PTPRN2: variants seen among roughly 807,000 people sequenced by gnomAD.
PTPRN2 encodes protein tyrosine phosphatase receptor type N2.
In PTPRN2, 74 loss-of-function variants were observed where a neutral mutation model predicts 118.8. The observed-to-expected ratio is 0.62, with a 90% confidence interval of 0.52 to 0.76. The LOEUF (loss-of-function observed/expected upper bound fraction) is 0.76, where lower values mean the gene tolerates loss of function less well. PTPRN2 is among the 30% of genes least tolerant of loss of function. The pLI, the probability that PTPRN2 is intolerant of heterozygous loss-of-function variation, is 0.00. For missense variants in PTPRN2, 1,481 were observed against 1,394.4 expected, an observed-to-expected ratio of 1.06 and a Z score of -0.99; for synonymous variants, 641 against 608.0, an observed-to-expected ratio of 1.05 and a Z score of -0.80.
At chr7:157,649,518 G>A (rs1310400616) in intron 14 of PTPRN2, among the ~76,000 whole-genome samples, 13 of 126,340 alleles carry the variant, frequency 1.0e-4, no homozygotes, top group African/African-American at 2.6e-4. Flanking sequence ...TCGGTGGGTC[G>A]GACCCATTCA....
chr7:157,598,281 T>C lies in PTPRN2; in HGVS notation c.2419-2966A>G, dbSNP rs907184340. On this transcript the variant is annotated intron_variant, in intron 16 of 22. Coordinates refer to ENST00000389418, the MANE Select transcript of PTPRN2 (RefSeq NM_002847.5). The surrounding 1 kb of genome is among the most constrained non-coding windows in gnomAD (Gnocchi z 5.2). Reference sequence around the variant, plus strand: ...TTCGCCTCCTACTCATGACTTTCCATTTCATTGCAACATACTTTTTATTTG... The same window carrying C: ...TTCGCCTCCTACTCATGACTTTCCACTTCATTGCAACATACTTTTTATTTG... 1.3e-5 allele frequency among the ~76,000 whole-genome samples: 2 copies of C among 152,214 alleles called. No individual in the cohort carries two copies. Among genetic ancestry groups the C allele is most frequent in the East Asian group, 3.8e-4 (2 of 5,198 alleles).
At position 157,801,287 on chromosome 7, in the gene PTPRN2, C is replaced by T. The variant is rs1232117201; in HGVS notation, c.1788+97386G>A. The stretch of plus-strand genomic sequence containing the variant: ...TTAGCGCTGCCTTCGAGATCAGTCT[C>T]TCGACCCCTGTTAGGAGCAACGGCG... On this transcript the variant is annotated intron_variant, in intron 12 of 22. Coordinates refer to ENST00000389418, the MANE Select transcript of PTPRN2 (RefSeq NM_002847.5). This position sits in a 1 kb window ranked among gnomAD's most constrained non-coding sequence, Gnocchi z 4.2. Among the ~76,000 whole-genome samples the T allele has an allele frequency of 6.6e-6, 1 of 152,152 alleles. No individual in the cohort carries two copies. The highest frequency in any genetic ancestry group is 2.1e-4 in the South Asian group (1 of 4,822).
At chr7:157,895,945 C>T (rs1196487392) in intron 12 of PTPRN2, among the ~76,000 whole-genome samples, 3 of 152,146 alleles carry the variant, frequency 2.0e-5, no homozygotes, top group South Asian at 2.1e-4. Flanking sequence ...AGGAGGCCCG[C>T]GTGAAAGAGA....
At chr7:158,410,230 G>A (rs1171561830) in intron 2 of PTPRN2, among the ~76,000 whole-genome samples, 1 of 152,064 alleles carries the variant, frequency 6.6e-6, no homozygotes, top group Non-Finnish European at 1.5e-5. Context: ...CACAAGGCCC[G>A]CTCCCTCTCT....
chr7:157,685,096 G>T (rs887190204), intron 12 of PTPRN2, among the ~76,000 whole-genome samples: 1 of 151,896 alleles, frequency 6.6e-6, no homozygotes, highest in Non-Finnish European at 1.5e-5. Flanking sequence ...CTCGCCTCTC[G>T]CCTCCCGCGG....
At chr7:158,189,560 A>G (rs1338709533) in intron 5 of PTPRN2, among the ~76,000 whole-genome samples, 3 of 152,184 alleles carry the variant, frequency 2.0e-5, no homozygotes, top group Non-Finnish European at 4.4e-5. Context: ...CGCCACTGTC[A>G]AGTCAGGGGG....
At chr7:158,401,022 C>T (rs985735755) in intron 2 of PTPRN2, among the ~76,000 whole-genome samples, 2 of 152,152 alleles carry the variant, frequency 1.3e-5, no homozygotes, top group African/African-American at 4.8e-5. Context: ...GTGGCCAAGG[C>T]CGCTCATCAC....
chr7:158,333,369 C>A (rs1369808625), intron 2 of PTPRN2, among the ~76,000 whole-genome samples: 11 of 144,378 alleles, frequency 7.6e-5, no homozygotes, highest in Admixed American at 2.0e-4. Flanking sequence ...CACTCACACC[C>A]ACACTCGCAC....
intron 11 of PTPRN2, among the ~76,000 whole-genome samples, chr7:158,071,575 A>T (rs1325765031): frequency 1.2e-4 from 1 of 8,204 alleles, no homozygotes; most frequent in African/African-American, 3.9e-4. Flanking sequence ...CTCCTGGTGG[A>T]GGTGCTCCTG....
At position 158,587,701 on chromosome 7, in the gene PTPRN2, T is replaced by A. The variant is rs1367024011; in HGVS notation, c.-32A>T. 2.6e-6 allele frequency: 3 copies of A among 1,170,832 alleles called. No homozygotes were observed. The highest frequency in any genetic ancestry group is 3.2e-6 in the Non-Finnish European group (3 of 950,572). 72.5% of individuals were successfully genotyped at this position (1,170,832 alleles called of 1,614,324 possible). The stretch of plus-strand genomic sequence containing the variant: ...GGCCTGGCCGGCGGCGCTCAGTCCA[T>A]GGCCGCGCGGGAGGCGGCGGGAGGC... On this transcript the variant is annotated 5_prime_UTR_variant, in exon 1 of 23. The change abolishes an upstream ATG in the 5' untranslated region. Transcript: ENST00000389418.
chr7:158,149,805 A>C (rs1370459088), intron 6 of PTPRN2, among the ~76,000 whole-genome samples: 1 of 122,938 alleles, frequency 8.1e-6, no homozygotes, highest in South Asian at 2.7e-4. Context: ...GTCCATCTCA[A>C]AAAAAAAAAA....
chr7:158,352,438 G>A (rs1483469192), intron 2 of PTPRN2, among the ~76,000 whole-genome samples: 9 of 152,148 alleles, frequency 5.9e-5, no homozygotes, highest in African/African-American at 9.7e-5. Flanking sequence ...GATCAGCTTC[G>A]ATAGGCATTT....
At chr7:158,520,201 C>T (rs1586851288) in intron 1 of PTPRN2, among the ~76,000 whole-genome samples, 1 of 152,196 alleles carries the variant, frequency 6.6e-6, no homozygotes, top group South Asian at 2.1e-4. Context: ...GGCAGAAGGA[C>T]TTCCATCCCC....
rs530908648 is a variant in PTPRN2 at position 157,850,851 on chromosome 7, T to G, written c.1788+47822A>C. Among the ~76,000 whole-genome samples the G allele has an allele frequency of 1.8e-4, 27 of 152,336 alleles. 1 individual carries two copies. In the South Asian group the frequency reaches 5.4e-3, roughly 30 times the overall value. On this transcript the variant is annotated intron_variant, in intron 12 of 22. Coordinates refer to ENST00000389418, the MANE Select transcript of PTPRN2 (RefSeq NM_002847.5). Reference sequence around the variant, plus strand: ...GATCAGGAATGCTGTGCCACATCAATGTGTAAAATACAATCTTCATGTGGG... The same window carrying G: ...GATCAGGAATGCTGTGCCACATCAAGGTGTAAAATACAATCTTCATGTGGG...
rs1215950652 is a variant in PTPRN2 at position 157,787,798 on chromosome 7, C to T, written c.1789-104861G>A. On this transcript the variant is annotated intron_variant, in intron 12 of 22. Coordinates refer to ENST00000389418, the MANE Select transcript of PTPRN2 (RefSeq NM_002847.5). This position sits in a 1 kb window ranked among gnomAD's most constrained non-coding sequence, Gnocchi z 5.3. ...TTTGTGCTCATGGCTGGGGGAGGCACCTGGGGGCCCCGTCCAAGCTGCCAA... is the reference window on the plus strand; with the variant it reads ...TTTGTGCTCATGGCTGGGGGAGGCATCTGGGGGCCCCGTCCAAGCTGCCAA... Among the ~76,000 whole-genome samples the T allele has an allele frequency of 2.0e-5, 3 of 152,086 alleles. No individual in the cohort carries two copies. The highest frequency in any genetic ancestry group is 4.4e-5 in the Non-Finnish European group (3 of 68,000).
At chr7:157,879,990 A>C (rs1246503818) in intron 12 of PTPRN2, among the ~76,000 whole-genome samples, 3 of 152,206 alleles carry the variant, frequency 2.0e-5, no homozygotes, top group Non-Finnish European at 4.4e-5. Context: ...AATTTTTATG[A>C]AAATTTGGGC....
At position 157,622,573 on chromosome 7, in the gene PTPRN2, C is replaced by T. The variant is rs770900562; in HGVS notation, c.2197-1064G>A. On this transcript the variant is annotated intron_variant, in intron 14 of 22. Transcript: ENST00000389418. This position sits in a 1 kb window ranked among gnomAD's most constrained non-coding sequence, Gnocchi z 5.3. ...AGGCGGGAATCTCAGGTCATCGTGCCGTCTAGTGGAAGTTTTGACCACAGC... is the reference window on the plus strand; with the variant it reads ...AGGCGGGAATCTCAGGTCATCGTGCTGTCTAGTGGAAGTTTTGACCACAGC... Among the ~76,000 whole-genome samples, 3 of 152,162 alleles carry T rather than the reference C, an allele frequency of 2.0e-5. No homozygotes were observed. The highest frequency in any genetic ancestry group is 2.1e-4 in the South Asian group (1 of 4,828).
chr7:158,326,846 C>T (rs1255593191), intron 2 of PTPRN2, among the ~76,000 whole-genome samples: 1 of 150,206 alleles, frequency 6.7e-6, no homozygotes, highest in Admixed American at 6.6e-5. Context: ...CACATGCATT[C>T]TCACACACAT....
intron 13 of PTPRN2, chr7:157,669,456 CCT>C: frequency 2.2e-6 from 1 of 458,858 alleles, no homozygotes; most frequent in Non-Finnish European, 4.4e-6. Context: ...GGAGGATGCC[CCT>C]GACAGCAGCG....
Sources: allele counts gnomAD v4.1 joint callset (sites outside exome capture counted in the v4.1 genomes callset), GRCh38; gene constraint gnomAD v4.1.1; non-coding constraint Gnocchi (gnomAD v3.1); transcripts MANE v1.5; gene names NCBI Gene and HGNC (gene_info 2026-07-23, HGNC 2026-07-21).